The following PTPRT variants were observed in gnomAD, a reference collection of about 807,000 sequenced individuals.
PTPRT encodes receptor-type tyrosine-protein phosphatase T.
PTPRT carries 56 observed loss-of-function variants against 176.8 expected under a neutral mutation model. That is an observed-to-expected ratio of 0.32 (90% CI 0.26 to 0.40). The LOEUF is 0.40. Ranked by LOEUF, PTPRT falls within the 10% of genes least tolerant of loss-of-function variation. The pLI is 1.00. For missense variants in PTPRT, 1,540 were observed against 1,908.2 expected, an observed-to-expected ratio of 0.81 and a Z score of 3.60; for synonymous variants, 783 against 739.0, an observed-to-expected ratio of 1.06 and a Z score of -0.96.
chr20:42,613,617 T>G (rs1038795243), intron 7 of PTPRT, among the ~76,000 whole-genome samples: 1 of 152,172 alleles, frequency 6.6e-6, no homozygotes. Context: ...AGTGATCACT[T>G]TAGCACAGAC....
intron 7 of PTPRT, among the ~76,000 whole-genome samples, chr20:42,655,662 C>A (rs1225677806): frequency 1.3e-5 from 2 of 151,898 alleles, no homozygotes; most frequent in African/African-American, 2.4e-5. Context: ...AAGGAGGGAA[C>A]ATGCACAGTA....
intron 7 of PTPRT, among the ~76,000 whole-genome samples, chr20:42,502,119 T>A (rs971573240): frequency 3.3e-5 from 5 of 152,104 alleles, no homozygotes; most frequent in Admixed American, 6.6e-5. Context: ...TTTTGAAAGT[T>A]ACATTTTTCA....
At chr20:42,415,924 G>A (rs2059062165) in intron 9 of PTPRT, among the ~76,000 whole-genome samples, 1 of 152,160 alleles carries the variant, frequency 6.6e-6, no homozygotes, top group Admixed American at 6.5e-5. Flanking sequence ...TGAGTAAAGA[G>A]GTTAGAATGC....
At chr20:42,040,773 C>T in the PTPRT span, among the ~76,000 whole-genome samples, 1 of 152,152 alleles carries the variant, frequency 6.6e-6, no homozygotes, top group Non-Finnish European at 1.5e-5. Flanking sequence ...ATCAGAAATG[C>T]CTTTCTCACA....
At chr20:42,382,309 G>C (rs367572220) in intron 9 of PTPRT, among the ~76,000 whole-genome samples, 6 of 152,150 alleles carry the variant, frequency 3.9e-5, no homozygotes, top group African/African-American at 1.2e-4. Context: ...GATGGAGTTC[G>C]GGGATATTTT....
chr20:43,067,560 AG>A (rs1341922661), intron 1 of PTPRT, among the ~76,000 whole-genome samples: 3 of 152,186 alleles, frequency 2.0e-5, no homozygotes, highest in African/African-American at 4.8e-5. Context: ...TTTGGAGCAG[AG>A]GAGTGATATG....
intron 1 of PTPRT, among the ~76,000 whole-genome samples, chr20:43,036,687 A>C (rs1404971244): frequency 6.6e-6 from 1 of 152,230 alleles, no homozygotes; most frequent in Non-Finnish European, 1.5e-5. Flanking sequence ...AAAAACCTTA[A>C]AACAATAGGC....
At chr20:42,202,571 T>C (rs965246187) in intron 15 of PTPRT, among the ~76,000 whole-genome samples, 4 of 152,216 alleles carry the variant, frequency 2.6e-5, no homozygotes, top group African/African-American at 9.7e-5. Context: ...ATTTTGAAAT[T>C]TTATTCTTCA....
chr20:43,045,810 G>C (rs1109550), intron 1 of PTPRT, among the ~76,000 whole-genome samples: 3 of 151,840 alleles, frequency 2.0e-5, no homozygotes, highest in Admixed American at 2.0e-4. Context: ...AGAAGGACAC[G>C]CATAAGAATA....
At chr20:42,387,662 TTA>T (rs2058757280) in intron 9 of PTPRT, among the ~76,000 whole-genome samples, 1 of 152,194 alleles carries the variant, frequency 6.6e-6, no homozygotes, top group Non-Finnish European at 1.5e-5. Context: ...TTTTAGCTTC[TTA>T]ATTGGGGGAG....
intron 2 of PTPRT, among the ~76,000 whole-genome samples, chr20:42,816,491 G>A (rs984743493): frequency 6.6e-6 from 1 of 152,158 alleles, no homozygotes; most frequent in African/African-American, 2.4e-5. Flanking sequence ...ATCTTGAATT[G>A]CAATCCCTAC....
At chr20:42,172,582 A>C (rs1040079390) in intron 16 of PTPRT, among the ~76,000 whole-genome samples, 1 of 152,222 alleles carries the variant, frequency 6.6e-6, no homozygotes, top group African/African-American at 2.4e-5. Flanking sequence ...AATCGTAAGA[A>C]ATAACATAAA....
At chr20:42,269,088 C>T (rs571147518) in intron 13 of PTPRT, among the ~76,000 whole-genome samples, 15 of 152,298 alleles carry the variant, frequency 9.8e-5, no homozygotes, top group Admixed American at 2.6e-4. Flanking sequence ...CCAGACCTCC[C>T]CTTTACCCAG....
chr20:43,031,424 C>T lies in PTPRT; in HGVS notation c.89-145492G>A, dbSNP rs150106348. On this transcript the variant is annotated intron_variant, in intron 1 of 30. Coordinates refer to ENST00000373187, the MANE Select transcript of PTPRT (RefSeq NM_007050.6). ...GCAGAGAGCAAGCCCTCACCAGATA[C>T]TGAATCTGCTGGAACCTTGATCTTG... Among the ~76,000 whole-genome samples the T allele has an allele frequency of 1.4e-4, 21 of 152,308 alleles. No homozygotes were observed. The East Asian group carries it at 3.7e-3, about 27-fold the overall frequency.
At chr20:42,049,072 A>G in the PTPRT span, among the ~76,000 whole-genome samples, 1 of 152,208 alleles carries the variant, frequency 6.6e-6, no homozygotes, top group African/African-American at 2.4e-5. Context: ...CGCCTTCATC[A>G]GCCTCCCAAA....
intron 17 of PTPRT, among the ~76,000 whole-genome samples, chr20:42,148,260 ATTTTTTTT>A (rs34255255): frequency 1.8e-5 from 2 of 114,078 alleles, no homozygotes; most frequent in Non-Finnish European, 3.6e-5. Flanking sequence ...CAAGGCAGTC[ATTTTTTTT>A]TTTTTTTTTT....
chr20:42,217,453 C>T (rs553790238), intron 15 of PTPRT, among the ~76,000 whole-genome samples: 1 of 151,444 alleles, frequency 6.6e-6, no homozygotes, highest in African/African-American at 2.4e-5. Flanking sequence ...CCCACTCCAC[C>T]CCAAAACTGT....
intron 27 of PTPRT, among the ~76,000 whole-genome samples, chr20:42,090,775 GATCA>G (rs1984532661): frequency 6.6e-6 from 1 of 152,190 alleles, no homozygotes; most frequent in African/African-American, 2.4e-5. Context: ...GCCTCTTTAA[GATCA>G]CGAGGACGTA....
chr20:43,119,702 AT>A (rs1206332406), intron 1 of PTPRT, among the ~76,000 whole-genome samples: 3 of 152,196 alleles, frequency 2.0e-5, no homozygotes, highest in African/African-American at 7.2e-5. Flanking sequence ...TTGCCAAAAA[AT>A]TTTTAACAAA....
Sources: gnomAD v4.1 joint callset for allele counts (sites outside exome capture counted in the v4.1 genomes callset) on GRCh38, gnomAD v4.1.1 for gene constraint, MANE v1.5 for transcripts, NCBI Gene and HGNC (gene_info 2026-07-23, HGNC 2026-07-21) for gene names.